NREP: variants seen among roughly 807,000 people sequenced by gnomAD.
NREP encodes neuronal regeneration-related protein.
Under a neutral mutation model 8.6 loss-of-function variants are expected in NREP, and 5 were observed. The ratio of observed to expected loss-of-function variants is 0.58; its 90% confidence interval spans 0.30 to 1.22. NREP has a LOEUF of 1.22. Among genes scored for constraint, NREP ranks in the 50% most tolerant of loss-of-function variants. The pLI is 0.07. For synonymous variants in NREP, 27 were observed against 28.0 expected (o/e 0.96, Z 0.11); for missense variants, 86 against 82.5 (o/e 1.04, Z -0.17).
At chr5:111,789,610 T>A (rs919069515) in intron 2 of NREP, among the ~76,000 whole-genome samples, 3 of 152,168 alleles carry the variant, frequency 2.0e-5, no homozygotes, top group Non-Finnish European at 2.9e-5. Context: ...TGGTCTATAG[T>A]TTCTCTACCA....
Position 111,809,878 on chromosome 5 carries a change from T to C in NREP, c.136-74371A>G, listed in dbSNP as rs778602691. ...ATTGACTGGGACTTTGGCGTGTGTG[T>C]GTGTGTGTGTGTGTGTGTGTGTGTG... On this transcript the variant is annotated intron_variant, in intron 2 of 3. Transcript: ENST00000395634. Among the ~76,000 whole-genome samples the C allele has an allele frequency of 2.7e-3, 372 of 136,294 alleles. 2 individuals are homozygous for C. Among genetic ancestry groups the C allele is most frequent in the South Asian group, 0.01 (42 of 4,094 alleles). The allele number at this position is 136,294 out of a possible 152,430, so 89.4% of individuals were successfully genotyped here.
chr5:111,950,368 C>A (rs369760094), intron 2 of NREP, among the ~76,000 whole-genome samples: 1 of 152,074 alleles, frequency 6.6e-6, no homozygotes, highest in Admixed American at 6.6e-5. Context: ...AACTGGACCC[C>A]TTCCTTAAAC....
intron 2 of NREP, among the ~76,000 whole-genome samples, chr5:111,775,262 C>A (rs1391745539): frequency 6.6e-6 from 1 of 152,048 alleles, no homozygotes; most frequent in Non-Finnish European, 1.5e-5. Context: ...CTTTCTATAC[C>A]AATCCTCATT....
chr5:111,767,467 T>A (rs1455897029), intron 2 of NREP, among the ~76,000 whole-genome samples: 1 of 152,150 alleles, frequency 6.6e-6, no homozygotes, highest in Non-Finnish European at 1.5e-5. Flanking sequence ...CCCACAAGCA[T>A]CATAAACTCA....
At chr5:111,783,496 C>T (rs909848112) in intron 2 of NREP, among the ~76,000 whole-genome samples, 4 of 152,198 alleles carry the variant, frequency 2.6e-5, no homozygotes, top group African/African-American at 9.6e-5. Flanking sequence ...CTGTGGGGAA[C>T]AACTTTGCAT....
Position 111,887,169 on chromosome 5 carries a change from C to T in NREP, c.135+88105G>A, listed in dbSNP as rs567209030. Among the ~76,000 whole-genome samples, 6 of 152,110 alleles carry T rather than the reference C, an allele frequency of 3.9e-5. No homozygotes were observed. In the East Asian group the frequency reaches 1.2e-3, roughly 29 times the overall value. ...GAGCTCTTGGGTTCCAGCAATCTTC[C>T]TTCCTTGGTCTCCCAAGGTGCTGAG... On this transcript the variant is annotated intron_variant, in intron 2 of 3. Transcript: ENST00000395634.
chr5:111,763,710 T>TA (rs1751016936), intron 2 of NREP, among the ~76,000 whole-genome samples: 1 of 152,226 alleles, frequency 6.6e-6, no homozygotes, highest in African/African-American at 2.4e-5. Flanking sequence ...AATGCTGTTC[T>TA]AAAACAAGAA....
At chr5:111,747,173 C>G (rs955262776) in intron 2 of NREP, among the ~76,000 whole-genome samples, 25 of 152,106 alleles carry the variant, frequency 1.6e-4, no homozygotes, top group Non-Finnish European at 3.7e-4. Flanking sequence ...TTATAAGCAC[C>G]TTAGTCAATA....
chr5:111,940,824 C>A (rs1444865269), intron 2 of NREP, among the ~76,000 whole-genome samples: 2 of 151,978 alleles, frequency 1.3e-5, no homozygotes, highest in East Asian at 1.9e-4. Context: ...ACTAGAAGGA[C>A]TCAGAGGACA....
At chr5:111,761,033 T>C (rs1750948975), upstream of NREP, among the ~76,000 whole-genome samples, 1 of 152,198 alleles carries the variant, frequency 6.6e-6, no homozygotes, top group Non-Finnish European at 1.5e-5. Flanking sequence ...GAAAGGTTAG[T>C]AGAAAAGTGG....
exon 1 of NREP, chr5:111,976,817 A>C (rs1756979999): frequency 1.7e-6 from 2 of 1,167,256 alleles, no homozygotes; most frequent in Non-Finnish European, 2.5e-6. Flanking sequence ...TTGGCCAGAC[A>C]GCTCAGGACA....
At position 111,923,743 on chromosome 5, in the gene NREP, G is replaced by A. The variant is rs78396751; in HGVS notation, c.135+51531C>T. Among the ~76,000 whole-genome samples the A allele has an allele frequency of 2.0e-3, 308 of 152,258 alleles. 1 individual carries two copies. The highest frequency in any genetic ancestry group is 4.1e-3 in the Admixed American group (62 of 15,298). Reference sequence around the variant, plus strand: ...GGCTGTTGAGCTGGCTCCTAGGTCTGAGTTAAAACTCCCAGGGTCATTCCC... The same window carrying A: ...GGCTGTTGAGCTGGCTCCTAGGTCTAAGTTAAAACTCCCAGGGTCATTCCC... On this transcript the variant is annotated intron_variant, in intron 2 of 3. Coordinates refer to the NREP transcript ENST00000395634.
intron 2 of NREP, among the ~76,000 whole-genome samples, chr5:111,858,528 G>A (rs1753474610): frequency 6.6e-6 from 1 of 152,080 alleles, no homozygotes; most frequent in South Asian, 2.1e-4. Flanking sequence ...AATTTAGCCT[G>A]TAATCCCAGC....
At chr5:111,768,998 T>A (rs1435120083) in intron 2 of NREP, among the ~76,000 whole-genome samples, 1 of 152,250 alleles carries the variant, frequency 6.6e-6, no homozygotes. Flanking sequence ...AAGCATTCCC[T>A]TTTCTCTGCA....
chr5:111,801,623 C>T (rs1189070932), intron 2 of NREP, among the ~76,000 whole-genome samples: 1 of 151,936 alleles, frequency 6.6e-6, no homozygotes, highest in African/African-American at 2.4e-5. Flanking sequence ...TTTCACTGTC[C>T]TGATAAGAAA....
chr5:111,852,723 T>C (rs1753340278), intron 2 of NREP, among the ~76,000 whole-genome samples: 1 of 152,084 alleles, frequency 6.6e-6, no homozygotes, highest in Admixed American at 6.6e-5. Context: ...CTTAGGGTAA[T>C]ATGTTCTGTG....
intron 2 of NREP, among the ~76,000 whole-genome samples, chr5:111,911,762 G>A (rs1754918299): frequency 6.6e-6 from 1 of 152,022 alleles, no homozygotes; most frequent in South Asian, 2.1e-4. Context: ...CCAATTATAT[G>A]ACAAGTTGCA....
At chr5:111,757,275 T>C (rs1216297961), upstream of NREP, 1 of 213,578 alleles carries the variant, frequency 4.7e-6, no homozygotes, top group Non-Finnish European at 6.3e-6. Flanking sequence ...GGGAAAGGGG[T>C]GGAGGAAGAG....
At chr5:111,776,317 A>T (rs1380645935) in intron 2 of NREP, among the ~76,000 whole-genome samples, 8 of 152,204 alleles carry the variant, frequency 5.3e-5, no homozygotes, top group African/African-American at 1.9e-4. Context: ...AGAGTGGGCT[A>T]GTTTAAATAC....
Sources: gnomAD v4.1 joint callset for allele counts (sites outside exome capture counted in the v4.1 genomes callset) on GRCh38, gnomAD v4.1.1 for gene constraint, MANE v1.5 for transcripts, NCBI Gene and HGNC (gene_info 2026-07-23, HGNC 2026-07-21) for gene names.